Variants in CCDC12 observed in about 807,000 individuals in gnomAD.
CCDC12 encodes coiled-coil domain containing 12, also known as coiled-coil domain-containing protein 12.
Under a neutral mutation model 25.7 loss-of-function variants are expected in CCDC12, and 28 were observed. The ratio of observed to expected loss-of-function variants is 1.09; its 90% CI spans 0.81 to 1.50. CCDC12 has a LOEUF of 1.50. Ranked by LOEUF, CCDC12 falls within the 40% of genes most tolerant of loss-of-function variation. The probability of loss-of-function intolerance (pLI) is 0.00; values close to 1 mark genes in which losing one functional copy is unlikely to be tolerated. For synonymous variants in CCDC12, 75 were observed against 87.7 expected (o/e 0.86, Z 0.81); for missense variants, 198 against 210.0 (o/e 0.94, Z 0.35).
chr3:46,934,468 G>A (rs2033361083), intron 2 of CCDC12, among the ~76,000 whole-genome samples: 3 of 152,222 alleles, frequency 2.0e-5, no homozygotes, highest in African/African-American at 2.4e-5. Context: ...TGCCTGGACT[G>A]TAGTTTCTTC....
chr3:46,923,344 G>A lies in CCDC12; in HGVS notation c.326C>T (p.Pro109Leu), dbSNP rs750152229. ...CAACACTCACCAGTCAGGCTTCCGA[G>A]GAGCGAGGTTGGCCAGGTCCTGGGA... Reference protein sequence around the residue: ...IEEVDLANLAPRKPDWDLKRD... With the variant: ...IEEVDLANLALRKPDWDLKRD... Residue 109 changes from proline (P) to leucine (L), a missense_variant, in exon 5 of 7, where the codon CCT (proline) becomes CTT (leucine). Physicochemically the swap from Pro to Leu is moderately conservative, Grantham distance 98 (BLOSUM62 -3). Transcript: ENST00000683445. The A allele has an allele frequency of 6.7e-7, 1 of 1,491,802 alleles. No individual in the cohort carries two copies. Among genetic ancestry groups the A allele is most frequent in the Non-Finnish European group, 8.9e-7 (1 of 1,119,376 alleles). 92.4% of individuals were successfully genotyped at this position (1,491,802 alleles called of 1,614,324 possible).
rs1199071294 is a variant in CCDC12 at position 46,925,641 on chromosome 3, C to T, written c.165-106G>A. 3 of 967,148 alleles carry T rather than the reference C, an allele frequency of 3.1e-6. No homozygotes were observed. In the African/African-American group the frequency reaches 4.9e-5, roughly 16 times the overall value. 59.9% of individuals were successfully genotyped at this position (967,148 alleles called of 1,614,324 possible). The stretch of plus-strand genomic sequence containing the variant: ...CCCGTGAATTCCTGAATTTCCTCTG[C>T]ACTCTCTGGAGATAGCCTGGTAAGG... On this transcript the variant is annotated intron_variant, in intron 2 of 6. Coordinates refer to ENST00000683445, the MANE Select transcript of CCDC12 (RefSeq NM_001277074.2).
chr3:46,935,036 T>A (rs2033388932), intron 2 of CCDC12, among the ~76,000 whole-genome samples: 1 of 152,226 alleles, frequency 6.6e-6, no homozygotes, highest in Non-Finnish European at 1.5e-5. Context: ...CTCAAGGGTT[T>A]GGGCACTGGG....
chr3:46,976,439 C>A, intron 1 of CCDC12, 198 bp downstream of exon 1: 2 of 1,419,386 alleles, frequency 1.4e-6, no homozygotes, highest in African/African-American at 2.9e-5. Flanking sequence ...GCGACGACCG[C>A]ACCAGCGCCA....
At chr3:46,956,357 G>C (rs1415877130) in intron 1 of CCDC12, among the ~76,000 whole-genome samples, 1 of 152,128 alleles carries the variant, frequency 6.6e-6, no homozygotes, top group Non-Finnish European at 1.5e-5. Context: ...CTAATACATG[G>C]CCCAGTTGAG....
chr3:46,939,824 C>T (rs1559553964), intron 2 of CCDC12, among the ~76,000 whole-genome samples: 1 of 152,258 alleles, frequency 6.6e-6, no homozygotes, highest in East Asian at 1.9e-4. Flanking sequence ...GAGATGAGGC[C>T]CGCATGTGGG....
upstream of CCDC12, chr3:46,976,788 G>T (rs1249891943): frequency 6.4e-7 from 1 of 1,557,080 alleles, no homozygotes; most frequent in Non-Finnish European, 8.7e-7. Context: ...GGCCTAAGGA[G>T]AGTGGATAAA....
upstream of CCDC12, among the ~76,000 whole-genome samples, chr3:46,980,343 A>T (rs1358313939): frequency 6.6e-6 from 1 of 152,058 alleles, no homozygotes; most frequent in Admixed American, 6.5e-5. Context: ...GCGCGGCCTG[A>T]TTGGGTGGTC....
chr3:46,980,401 A>C (rs1246363547), upstream of CCDC12, among the ~76,000 whole-genome samples: 1 of 151,926 alleles, frequency 6.6e-6, no homozygotes, highest in Non-Finnish European at 1.5e-5. Context: ...AGGTGTGTGG[A>C]AGGGGAATGC....
At chr3:46,931,578 G>T (rs1317305490) in intron 2 of CCDC12, among the ~76,000 whole-genome samples, 1 of 128,630 alleles carries the variant, frequency 7.8e-6, no homozygotes, top group Admixed American at 8.2e-5. Context: ...ATATCTTGAG[G>T]CTACTCCACA....
At chr3:46,942,000 C>T (rs1263236773) in intron 1 of CCDC12, among the ~76,000 whole-genome samples, 1 of 152,216 alleles carries the variant, frequency 6.6e-6, no homozygotes, top group Admixed American at 6.5e-5. Flanking sequence ...TAATCTGGTT[C>T]TTTTGACTTC....
chr3:46,923,089 G>C, intron 5 of CCDC12: 1 of 390,656 alleles, frequency 2.6e-6, no homozygotes, highest in Non-Finnish European at 4.5e-6. Context: ...AACCTCTCAG[G>C]AGGGCCTTCA....
At chr3:46,976,354 C>G (rs1312770194) in intron 1 of CCDC12, 2 of 1,354,978 alleles carry the variant, frequency 1.5e-6, no homozygotes, top group African/African-American at 2.9e-5. Flanking sequence ...GATACCTACA[C>G]GAGCAACACC....
intron 1 of CCDC12, among the ~76,000 whole-genome samples, chr3:46,968,553 C>T (rs968189626): frequency 2.6e-5 from 4 of 152,180 alleles, no homozygotes; most frequent in Admixed American, 2.6e-4. Flanking sequence ...AGCTGTATCT[C>T]GATTTTATAG....
At chr3:46,925,265 T>TGC in intron 3 of CCDC12, 191 bp downstream of exon 3, 1 of 705,858 alleles carries the variant, frequency 1.4e-6, no homozygotes, top group Non-Finnish European at 2.6e-6. Context: ...GACTCTTCAG[T>TGC]GCCCCGACAG....
intron 2 of CCDC12, among the ~76,000 whole-genome samples, chr3:46,929,677 T>G (rs968987771): frequency 6.6e-6 from 1 of 151,998 alleles, no homozygotes; most frequent in African/African-American, 2.4e-5. Context: ...AGAAAAGAAA[T>G]AAAAACAACA....
intron 2 of CCDC12, among the ~76,000 whole-genome samples, chr3:46,938,836 A>G (rs2033572544): frequency 6.6e-6 from 1 of 151,604 alleles, no homozygotes; most frequent in East Asian, 1.9e-4. Context: ...TGGGTGACAG[A>G]GCGAGACCCC....
At chr3:46,971,760 C>A (rs767125713) in intron 1 of CCDC12, among the ~76,000 whole-genome samples, 2 of 152,168 alleles carry the variant, frequency 1.3e-5, no homozygotes, top group Non-Finnish European at 2.9e-5. Context: ...GAAGGACCTG[C>A]CACTGAGTGC....
intron 1 of CCDC12, among the ~76,000 whole-genome samples, chr3:46,942,779 G>A (rs189047975): frequency 1.0e-3 from 155 of 152,318 alleles, no homozygotes; most frequent in Admixed American, 4.1e-3. Flanking sequence ...GCAGCTACAC[G>A]AGAGAGGTCA....
Sources: gnomAD v4.1 joint callset for allele counts (sites outside exome capture counted in the v4.1 genomes callset) on GRCh38, gnomAD v4.1.1 for gene constraint, MANE v1.5 for transcripts, NCBI Gene and HGNC (gene_info 2026-07-23, HGNC 2026-07-21) for gene names.